ZNF670: variants seen among roughly 807,000 people sequenced by gnomAD.
The protein encoded by ZNF670 is zinc finger protein 670.
In ZNF670, 7 loss-of-function variants were observed where a neutral mutation model predicts 10.9. The observed-to-expected ratio is 0.64, with a 90% confidence interval of 0.36 to 1.20. The LOEUF is 1.20. ZNF670 is among the 50% of genes most tolerant of loss of function. The pLI is 0.02. For missense variants in ZNF670, 446 were observed against 458.6 expected (o/e 0.97, Z 0.25); for synonymous variants, 136 against 152.7 (o/e 0.89, Z 0.81).
In ZNF670 at chr1:247,037,502, C is replaced by T. The variant is rs1424782073; in HGVS notation, c.1117G>A (p.Ala373Thr). 3 of 1,613,910 alleles carry T rather than the reference C, an allele frequency of 1.9e-6. No homozygotes were observed. The highest frequency in any genetic ancestry group is 2.5e-6 in the Non-Finnish European group (3 of 1,179,972). The change falls in exon 4 of 4, where the codon GCC (alanine) becomes ACC (threonine). Residue 373 changes from alanine to threonine, a missense_variant. By Grantham distance (58) the Ala-to-Thr change is moderately conservative. Coordinates refer to ENST00000366503, the MANE Select transcript of ZNF670 (RefSeq NM_033213.5). ...KPYECKKCGK[A>T]FSCSSSLRKH... is the part of the protein sequence containing the mutation. Reference sequence around the variant, plus strand: ...CGAAGGGAACTGGAACAACTGAAGGCTTTACCACATTTCTTACATTCATAG... The same window carrying T: ...CGAAGGGAACTGGAACAACTGAAGGTTTTACCACATTTCTTACATTCATAG...
intron 1 of ZNF670, chr1:247,043,510 T>G (rs1297157824): frequency 3.1e-6 from 2 of 654,836 alleles, no homozygotes; most frequent in Non-Finnish European, 5.5e-6. Context: ...AAAGCTGGGA[T>G]AAGATTTTAG....
intron 1 of ZNF670, among the ~76,000 whole-genome samples, chr1:247,073,845 A>G (rs191019293): frequency 1.3e-5 from 2 of 152,204 alleles, no homozygotes; most frequent in Non-Finnish European, 2.9e-5. Flanking sequence ...AGAGGTTCCC[A>G]TCACCCCTTC....
At chr1:247,061,054 A>G (rs1240896736) in intron 1 of ZNF670, among the ~76,000 whole-genome samples, 2 of 152,190 alleles carry the variant, frequency 1.3e-5, no homozygotes, top group Non-Finnish European at 2.9e-5. Flanking sequence ...GTGCAACACA[A>G]TTCAAAAAGC....
chr1:247,051,276 A>G (rs1047573256), intron 1 of ZNF670, among the ~76,000 whole-genome samples: 2 of 152,128 alleles, frequency 1.3e-5, no homozygotes, highest in Non-Finnish European at 2.9e-5. Flanking sequence ...AAACAAAAAA[A>G]AAACTCCTTT....
At chr1:247,043,901 A>C in intron 1 of ZNF670, 1 of 308,970 alleles carries the variant, frequency 3.2e-6, no homozygotes, top group Non-Finnish European at 6.2e-6. Context: ...CTGATATTAA[A>C]CATAGAACCA....
chr1:247,060,185 G>A (rs1176216963), intron 1 of ZNF670, among the ~76,000 whole-genome samples: 1 of 152,064 alleles, frequency 6.6e-6, no homozygotes, highest in East Asian at 1.9e-4. Flanking sequence ...CAATATTGAA[G>A]AATCAATTCA....
chr1:247,055,481 C>A (rs370295887), intron 1 of ZNF670, among the ~76,000 whole-genome samples: 4 of 152,172 alleles, frequency 2.6e-5, no homozygotes, highest in African/African-American at 7.2e-5. Flanking sequence ...CCATTCAGAC[C>A]CCCTTCTCTG....
chr1:247,043,162 C>T lies in ZNF670; in HGVS notation c.4-3625G>A, dbSNP rs1257822819. On this transcript the variant is annotated intron_variant, in intron 1 of 3. Transcript: ENST00000366503. ...AATGTGAGGAGATGCTGTAGTTCTGCAGATACATGTTCTACGTGCTGGACC... is the reference window on the plus strand; with the variant it reads ...AATGTGAGGAGATGCTGTAGTTCTGTAGATACATGTTCTACGTGCTGGACC... 3 of 815,750 alleles carry T rather than the reference C, an allele frequency of 3.7e-6. No homozygotes were observed. The African/African-American group carries it at 4.9e-5, about 13-fold the overall frequency. The allele number at this position is 815,750 out of a possible 1,614,324, so 50.5% of individuals were successfully genotyped here. A position where few individuals can be genotyped will look rare whatever the true frequency, so the allele number is the denominator to read the frequency against.
intron 1 of ZNF670, among the ~76,000 whole-genome samples, chr1:247,061,548 G>A (rs749833347): frequency 1.3e-5 from 2 of 151,972 alleles, no homozygotes; most frequent in Non-Finnish European, 2.9e-5. Flanking sequence ...ACTATACAAC[G>A]ATATTTATAC....
At chr1:247,048,376 T>C (rs767674986) in intron 1 of ZNF670, among the ~76,000 whole-genome samples, 1 of 152,230 alleles carries the variant, frequency 6.6e-6, no homozygotes, top group East Asian at 1.9e-4. Flanking sequence ...CATTTCCATC[T>C]GAAACCACCT....
chr1:247,040,598 T>C (rs1325149392), intron 1 of ZNF670, among the ~76,000 whole-genome samples: 2 of 152,308 alleles, frequency 1.3e-5, no homozygotes, highest in East Asian at 3.9e-4. Flanking sequence ...TTTCAAACTA[T>C]AATATTCAGG....
In ZNF670 at chr1:247,038,102, C is replaced by A; in HGVS notation, c.517G>T (p.Val173Leu). Residue 173 changes from valine (V) to leucine (L), a missense_variant, in exon 4 of 4, where the codon GTG becomes TTG. Transcript: ENST00000366503. ...GGAAAATCAAAAGGCTTCTCATACA[C>A]TGGACCCTTATAAGGCCCATTACTA... Reference protein sequence around the residue: ...HTSNGPYKGPVYEKPFDFPSV... With the variant: ...HTSNGPYKGPLYEKPFDFPSV... 6.2e-7 allele frequency: 1 copy of A among 1,614,202 alleles called. No homozygotes were observed. Among genetic ancestry groups the A allele is most frequent in the African/African-American group, 1.3e-5 (1 of 75,064 alleles).
chr1:247,067,190 C>T (rs1181914120), intron 1 of ZNF670, among the ~76,000 whole-genome samples: 2 of 151,956 alleles, frequency 1.3e-5, no homozygotes, highest in East Asian at 1.9e-4. Flanking sequence ...AATCCTAGCA[C>T]GTTGGGAAGC....
chr1:247,048,600 G>A lies in ZNF670; in HGVS notation c.4-9063C>T, dbSNP rs115199364. 7.1e-3 allele frequency among the ~76,000 whole-genome samples: 1,084 copies of A among 152,292 alleles called. 18 individuals carry two copies. Among genetic ancestry groups the A allele is most frequent in the African/African-American group, 0.024 (986 of 41,552 alleles). On this transcript the variant is annotated intron_variant, in intron 1 of 3. Coordinates refer to ENST00000366503, the MANE Select transcript of ZNF670 (RefSeq NM_033213.5). The stretch of plus-strand genomic sequence containing the variant: ...CCACTCTCTACAGTACCAACTTACT[G>A]TATTAGTCCATTCTCACATTGCTAT...
At chr1:247,060,120 A>T (rs1305741165) in intron 1 of ZNF670, among the ~76,000 whole-genome samples, 1 of 152,228 alleles carries the variant, frequency 6.6e-6, no homozygotes, top group Non-Finnish European at 1.5e-5. Flanking sequence ...TATTTTAAAA[A>T]AAGAAAATTT....
chr1:247,062,916 T>C (rs187652526), intron 1 of ZNF670, among the ~76,000 whole-genome samples: 17 of 152,266 alleles, frequency 1.1e-4, no homozygotes, highest in Admixed American at 9.8e-4. Flanking sequence ...GTGGGCATCT[T>C]GGGTTATGCC....
intron 1 of ZNF670, among the ~76,000 whole-genome samples, chr1:247,052,054 T>A (rs1453334943): frequency 6.6e-6 from 1 of 151,674 alleles, no homozygotes; most frequent in Admixed American, 6.6e-5. Flanking sequence ...CCTCCACGAG[T>A]AGCTTAATAA....
At chr1:247,042,209 A>AT (rs1375402213) in intron 1 of ZNF670, among the ~76,000 whole-genome samples, 3 of 152,244 alleles carry the variant, frequency 2.0e-5, no homozygotes, top group Non-Finnish European at 4.4e-5. Context: ...TTTCACAGAA[A>AT]TAAGTAAATT....
At chr1:247,038,460 T>C (rs1426248647) in intron 3 of ZNF670, 33 bp from the exon 4 acceptor site, 1 of 1,560,128 alleles carries the variant, frequency 6.4e-7, no homozygotes, top group Non-Finnish European at 8.6e-7. Context: ...TAATGGTACA[T>C]TTATTCATGG....
Sources: allele counts gnomAD v4.1 joint callset (sites outside exome capture counted in the v4.1 genomes callset), GRCh38; gene constraint gnomAD v4.1.1; transcripts MANE v1.5; gene names NCBI Gene and HGNC (gene_info 2026-07-23, HGNC 2026-07-21).